The following PCNX1 variants were observed in gnomAD, a reference collection of about 807,000 sequenced individuals.
PCNX1 encodes pecanex 1.
In PCNX1, 78 loss-of-function variants were observed where a neutral mutation model predicts 242.2. The observed-to-expected ratio is 0.32, with a 90% CI of 0.27 to 0.39. The LOEUF (loss-of-function observed/expected upper bound fraction) is 0.39, where lower values mean the gene tolerates loss of function less well. Among genes scored for constraint, PCNX1 ranks in the 10% least tolerant of loss-of-function variants. The pLI, the probability that PCNX1 is intolerant of heterozygous loss-of-function variation, is 1.00. For synonymous variants in PCNX1, 1,024 were observed against 1,032.9 expected (o/e 0.99, Z 0.17); for missense variants, 2,581 against 2,856.5 (o/e 0.90, Z 2.20).
chr14:71,046,266 C>T lies in PCNX1; in HGVS notation c.4019-698C>T, dbSNP rs546806007. Among the ~76,000 whole-genome samples, 133 of 152,098 alleles carry T rather than the reference C, an allele frequency of 8.7e-4. 1 individual carries two copies. The highest frequency in any genetic ancestry group is 1.2e-3 in the Non-Finnish European group (82 of 67,930). ...TACTGCTTTCATATATAAATGATGA[C>T]ACATACCTAGTTTGTTTTAAAGACC... On this transcript the variant is annotated intron_variant, in intron 20 of 35. Transcript: ENST00000304743.
chr14:71,062,281 G>A (rs1408555426), intron 26 of PCNX1, among the ~76,000 whole-genome samples: 2 of 152,074 alleles, frequency 1.3e-5, no homozygotes, highest in Non-Finnish European at 2.9e-5. Flanking sequence ...CCTTCCAGTG[G>A]GATAAGATGT....
At chr14:71,086,993 A>G (rs537429359) in intron 28 of PCNX1, among the ~76,000 whole-genome samples, 3 of 152,168 alleles carry the variant, frequency 2.0e-5, no homozygotes, top group Non-Finnish European at 4.4e-5. Context: ...TCTGAATTAA[A>G]AAAAAAAATT....
intron 15 of PCNX1, 61 bp from the exon 16 acceptor site, chr14:71,028,639 C>CT (rs1420751468): frequency 1.3e-5 from 12 of 959,550 alleles, no homozygotes; most frequent in South Asian, 3.1e-5. Context: ...TTTCAGTGAC[C>CT]TTTTAATTAT....
chr14:70,909,957 T>TA (rs1247022342), intron 1 of PCNX1, among the ~76,000 whole-genome samples: 2 of 151,220 alleles, frequency 1.3e-5, no homozygotes, highest in Non-Finnish European at 2.9e-5. Context: ...CTGCTGGTTT[T>TA]AGAGTTCTCA....
intron 2 of PCNX1, among the ~76,000 whole-genome samples, chr14:70,956,310 A>G (rs541655266): frequency 2.0e-5 from 3 of 152,156 alleles, no homozygotes; most frequent in Non-Finnish European, 4.4e-5. Context: ...TGGGAGGCCA[A>G]GGTGGGAGGA....
chr14:71,038,714 A>G (rs1308712579), intron 19 of PCNX1, among the ~76,000 whole-genome samples: 2 of 152,028 alleles, frequency 1.3e-5, no homozygotes, highest in Non-Finnish European at 2.9e-5. Context: ...CAGCCATTCC[A>G]TTACTGGGTA....
At chr14:71,073,017 C>G (rs2061622932) in intron 26 of PCNX1, among the ~76,000 whole-genome samples, 1 of 152,104 alleles carries the variant, frequency 6.6e-6, no homozygotes, top group Non-Finnish European at 1.5e-5. Flanking sequence ...ATTATCAGAC[C>G]CGTAGTGTGA....
intron 30 of PCNX1, among the ~76,000 whole-genome samples, chr14:71,091,963 A>C (rs1192468926): frequency 6.6e-6 from 1 of 152,230 alleles, no homozygotes; most frequent in Non-Finnish European, 1.5e-5. Flanking sequence ...GATCTGTTGC[A>C]GTTCTTGTGT....
intron 12 of PCNX1, among the ~76,000 whole-genome samples, chr14:71,021,333 C>T (rs943414658): frequency 1.3e-5 from 2 of 152,140 alleles, no homozygotes; most frequent in Admixed American, 6.6e-5. Flanking sequence ...TGCATTGAGT[C>T]TGTGAATTAC....
At chr14:70,958,646 C>CTT (rs2058079586) in intron 2 of PCNX1, among the ~76,000 whole-genome samples, 1 of 152,132 alleles carries the variant, frequency 6.6e-6, no homozygotes. Flanking sequence ...ACCTCCAGGC[C>CTT]TTAAGTCTCA....
chr14:70,962,176 T>C (rs1299928386), intron 2 of PCNX1, 50 bp from the exon 3 acceptor site: 15 of 1,084,114 alleles, frequency 1.4e-5, no homozygotes, highest in African/African-American at 3.1e-5. Context: ...GGAAAAGCAT[T>C]GGAGTCAGAA....
In PCNX1 at chr14:71,108,955, A is replaced by G; in HGVS notation, c.6653A>G (p.Gln2218Arg). The G allele has an allele frequency of 2.5e-6, 4 of 1,614,266 alleles. No individual in the cohort carries two copies. The highest frequency in any genetic ancestry group is 2.5e-6 in the Non-Finnish European group (3 of 1,180,042). ...LVGFLATEGG[Q>R]SSATDAQPGN... The stretch of plus-strand genomic sequence containing the variant: ...GGCTTTCTTGCGACAGAGGGAGGTC[A>G]GAGCAGTGCCACTGATGCACAGCCA... Residue 2218 changes from glutamine (Q) to arginine (R), a missense_variant, in exon 34 of 36, where the codon CAG (glutamine) becomes CGG (arginine). By Grantham distance (43) the Gln-to-Arg change is conservative. Coordinates refer to ENST00000304743, the MANE Select transcript of PCNX1 (RefSeq NM_014982.3).
At chr14:70,949,259 ACACGTG>A in intron 2 of PCNX1, among the ~76,000 whole-genome samples, 1 of 23,706 alleles carries the variant, frequency 4.2e-5, no homozygotes, top group African/African-American at 1.3e-4. Context: ...GTATACACAC[ACACGTG>A]TATGCACACA....
At chr14:70,946,892 T>C in intron 1 of PCNX1, 23 bp from the exon 2 acceptor site, 1 of 1,433,982 alleles carries the variant, frequency 7.0e-7, no homozygotes, top group Non-Finnish European at 9.8e-7. Flanking sequence ...AAAATGTATT[T>C]CCTTATTTTC....
chr14:71,047,810 A>G lies in PCNX1; in HGVS notation c.4164A>G (p.Leu1388=), dbSNP rs750047373. 1 of 1,605,496 alleles carries G rather than the reference A, an allele frequency of 6.2e-7. No individual in the cohort carries two copies. Among genetic ancestry groups the G allele is most frequent in the Non-Finnish European group, 8.5e-7 (1 of 1,174,850 alleles). ...TTGTGTTTTCTTTGTGCCACAGATTAGGTGCTTTAATGATCACTGTTGCTG... is the reference window on the plus strand; with the variant it reads ...TTGTGTTTTCTTTGTGCCACAGATTGGGTGCTTTAATGATCACTGTTGCTG... ...IASPKKLNTE[L]GALMITVAGL... Residue 1388 remains leucine, a synonymous_variant, in exon 22 of 36, where the codon TTA becomes TTG. Transcript: ENST00000304743.
At chr14:71,020,607 A>G (rs1262194527) in intron 12 of PCNX1, among the ~76,000 whole-genome samples, 1 of 151,998 alleles carries the variant, frequency 6.6e-6, no homozygotes, top group Non-Finnish European at 1.5e-5. Context: ...TCCTTCACCC[A>G]CTTTTGGATG....
chr14:70,915,475 A>G (rs1359505546), intron 1 of PCNX1, among the ~76,000 whole-genome samples: 1 of 152,186 alleles, frequency 6.6e-6, no homozygotes, highest in Non-Finnish European at 1.5e-5. Context: ...TTTAAATACT[A>G]CTTTGATTAC....
At chr14:70,934,423 T>C (rs2056920315) in intron 1 of PCNX1, among the ~76,000 whole-genome samples, 1 of 152,152 alleles carries the variant, frequency 6.6e-6, no homozygotes, top group Non-Finnish European at 1.5e-5. Flanking sequence ...AAACACATAA[T>C]ATAAAATTTA....
intron 12 of PCNX1, among the ~76,000 whole-genome samples, chr14:71,021,990 C>T (rs2060115564): frequency 2.6e-5 from 4 of 152,010 alleles, no homozygotes; most frequent in Admixed American, 2.0e-4. Context: ...ATCTCAAAGT[C>T]TTCACCTCTT....
Sources: gnomAD v4.1 joint callset for allele counts (sites outside exome capture counted in the v4.1 genomes callset) on GRCh38, gnomAD v4.1.1 for gene constraint, MANE v1.5 for transcripts, NCBI Gene and HGNC (gene_info 2026-07-23, HGNC 2026-07-21) for gene names.